Variants in HACD2 observed in about 807,000 individuals in gnomAD.
HACD2 encodes the protein 3-hydroxyacyl-CoA dehydratase 2.
A neutral mutation model predicts 31.0 loss-of-function variants in HACD2; 15 were observed. The ratio of observed to expected loss-of-function variants is 0.48; its 90% CI spans 0.32 to 0.75. HACD2 has a LOEUF of 0.75. Ranked by LOEUF, HACD2 falls within the 30% of genes least tolerant of loss-of-function variation. The pLI is 0.03. For missense variants in HACD2, 283 were observed against 313.0 expected (o/e 0.90, Z 0.72); for synonymous variants, 115 against 122.2 (o/e 0.94, Z 0.39).
chr3:123,510,662 T>C (rs1292513585), intron 4 of HACD2, among the ~76,000 whole-genome samples: 1 of 152,250 alleles, frequency 6.6e-6, no homozygotes, highest in Non-Finnish European at 1.5e-5. Context: ...CATTTTATCA[T>C]TTGTTGATGG....
intron 3 of HACD2, among the ~76,000 whole-genome samples, chr3:123,565,259 AAACT>A (rs2056778084): frequency 6.6e-6 from 1 of 152,234 alleles, no homozygotes; most frequent in African/African-American, 2.4e-5. Flanking sequence ...TATTAAAATA[AAACT>A]AACATTAACT....
At chr3:123,537,674 C>T (rs934874694) in intron 3 of HACD2, among the ~76,000 whole-genome samples, 1 of 151,228 alleles carries the variant, frequency 6.6e-6, no homozygotes, top group Non-Finnish European at 1.5e-5. Context: ...ATGTCTTTTT[C>T]ATGATAGTAT....
At chr3:123,515,747 G>A (rs2056126481) in intron 4 of HACD2, among the ~76,000 whole-genome samples, 1 of 152,016 alleles carries the variant, frequency 6.6e-6, no homozygotes. Context: ...ATTTGGATGA[G>A]TATGTTGGGG....
chr3:123,574,154 G>C (rs2056884253), intron 2 of HACD2, among the ~76,000 whole-genome samples: 1 of 152,160 alleles, frequency 6.6e-6, no homozygotes, highest in South Asian at 2.1e-4. Flanking sequence ...TTGTTTCTCT[G>C]TTCAGATAAT....
intron 3 of HACD2, among the ~76,000 whole-genome samples, chr3:123,549,835 T>C (rs1171767321): frequency 6.6e-6 from 1 of 152,088 alleles, no homozygotes; most frequent in Non-Finnish European, 1.5e-5. Context: ...TCCTGATCAT[T>C]CAGATATCTT....
At chr3:123,535,620 A>C (rs1473751049) in intron 3 of HACD2, among the ~76,000 whole-genome samples, 3 of 152,228 alleles carry the variant, frequency 2.0e-5, no homozygotes, top group Non-Finnish European at 2.9e-5. Context: ...TTGGAGAGAA[A>C]TACAAATTTC....
rs1403144182 is a variant in HACD2, at chr3:123,494,659, G to A, written c.*229C>T. ...CCATCATAAATATTAAGAACTTCTGGTTGAAAGAGCATGCTGAAATGAACT... is the reference window on the plus strand; with the variant it reads ...CCATCATAAATATTAAGAACTTCTGATTGAAAGAGCATGCTGAAATGAACT... On this transcript the variant is annotated 3_prime_UTR_variant, in exon 7 of 7. Coordinates refer to ENST00000383657, the MANE Select transcript of HACD2 (RefSeq NM_198402.5). 9.2e-6 allele frequency: 5 copies of A among 540,956 alleles called. No homozygotes were observed. In the African/African-American group the frequency reaches 9.7e-5, roughly 10 times the overall value. The allele number at this position is 540,956 out of a possible 1,614,324, so 33.5% of individuals were successfully genotyped here.
intron 2 of HACD2, among the ~76,000 whole-genome samples, chr3:123,579,052 C>T (rs1186613592): frequency 6.6e-6 from 1 of 152,194 alleles, no homozygotes; most frequent in Non-Finnish European, 1.5e-5. Flanking sequence ...TATGCACAGA[C>T]ATTTTCCCAA....
intron 2 of HACD2, among the ~76,000 whole-genome samples, chr3:123,581,825 C>A (rs960272897): frequency 6.6e-6 from 1 of 152,174 alleles, no homozygotes; most frequent in African/African-American, 2.4e-5. Context: ...TAGACAGGCT[C>A]TCTATTATGT....
chr3:123,509,295 A>G (rs904854965), intron 4 of HACD2, among the ~76,000 whole-genome samples: 7 of 152,020 alleles, frequency 4.6e-5, no homozygotes, highest in African/African-American at 1.7e-4. Flanking sequence ...CTGAGCCCGG[A>G]AAGTTAAGGC....
chr3:123,516,025 G>A (rs1400956004), intron 4 of HACD2, among the ~76,000 whole-genome samples: 1 of 152,240 alleles, frequency 6.6e-6, no homozygotes, highest in East Asian at 1.9e-4. Context: ...TTCCCAGAGT[G>A]CTGGGATTAC....
chr3:123,577,961 CCCA>C (rs2107759716), intron 2 of HACD2, among the ~76,000 whole-genome samples: 1 of 152,236 alleles, frequency 6.6e-6, no homozygotes. Context: ...GAGTTGTGCA[CCCA>C]CCACCACTAT....
Position 123,502,607 on chromosome 3 carries a change from A to G in HACD2, c.456T>C (p.Tyr152=). ...GCAGATGGTTTAATAGACTGAATGT[A>G]TAAAAGGAGTAACGGATGATTTCCG... The part of the protein sequence containing the change: ...TITEIIRYSF[Y]TFSLLNHLPY... The change falls in exon 5 of 7, where the codon TAT becomes TAC. Residue 152 remains tyrosine (Y), a synonymous_variant. Transcript: ENST00000383657. 1.9e-6 allele frequency: 3 copies of G among 1,610,738 alleles called. No individual in the cohort carries two copies. Among genetic ancestry groups the G allele is most frequent in the Non-Finnish European group, 2.5e-6 (3 of 1,178,446 alleles).
intron 4 of HACD2, among the ~76,000 whole-genome samples, chr3:123,518,530 A>G (rs976666262): frequency 1.3e-5 from 2 of 152,130 alleles, no homozygotes; most frequent in African/African-American, 4.8e-5. Context: ...TAGTTATTTA[A>G]AAGTGTTATT....
At chr3:123,547,117 T>C (rs2056568637) in intron 3 of HACD2, among the ~76,000 whole-genome samples, 2 of 152,216 alleles carry the variant, frequency 1.3e-5, no homozygotes, top group Non-Finnish European at 1.5e-5. Context: ...ATCTACCAGA[T>C]ATAAATGAAG....
intron 3 of HACD2, among the ~76,000 whole-genome samples, chr3:123,545,508 A>C (rs2056548901): frequency 6.9e-6 from 1 of 145,264 alleles, no homozygotes; most frequent in Non-Finnish European, 1.5e-5. Context: ...TAAATAAATA[A>C]ATAAATAAAT....
Position 123,584,996 on chromosome 3 carries a change from T to C in HACD2, c.32A>G (p.Lys11Arg), listed in dbSNP as rs1405418647. Residue 11 changes from lysine to arginine, a missense_variant, in exon 1 of 7, where the codon AAG becomes AGG. This residue lies in a region of HACD2 where 158 missense variants were observed against 148.3 expected (regional missense o/e 1.07). Coordinates refer to ENST00000383657, the MANE Select transcript of HACD2 (RefSeq NM_198402.5). MAAVAATAAAKGNGGGGGRAG... is the reference protein window; with the variant it reads MAAVAATAAARGNGGGGGRAG... Reference sequence around the variant, plus strand: ...CCTGCCACCGCCGCCCCCATTCCCCTTCGCTGCTGCAGTCGCCGCCACTGC... The same window carrying C: ...CCTGCCACCGCCGCCCCCATTCCCCCTCGCTGCTGCAGTCGCCGCCACTGC... The C allele has an allele frequency of 7.0e-7, 1 of 1,431,042 alleles. No homozygotes were observed. Among genetic ancestry groups the C allele is most frequent in the Non-Finnish European group, 9.3e-7 (1 of 1,072,588 alleles). The allele number at this position is 1,431,042 out of a possible 1,614,324, so 88.6% of individuals were successfully genotyped here. A position where few individuals can be genotyped will look rare whatever the true frequency, so the allele number is the denominator to read the frequency against.
intron 2 of HACD2, among the ~76,000 whole-genome samples, chr3:123,573,613 C>G (rs2107754952): frequency 6.6e-6 from 1 of 152,262 alleles, no homozygotes; most frequent in Middle Eastern, 3.4e-3. Flanking sequence ...TTGACTCGCA[C>G]ACTAAAGCAT....
intron 2 of HACD2, among the ~76,000 whole-genome samples, chr3:123,573,126 T>C (rs1242435239): frequency 2.6e-5 from 4 of 152,214 alleles, no homozygotes; most frequent in Non-Finnish European, 5.9e-5. Flanking sequence ...GAGTTACATC[T>C]ACCAATATTT....
Sources: gnomAD v4.1 joint callset for allele counts (sites outside exome capture counted in the v4.1 genomes callset) on GRCh38, gnomAD v4.1.1 for gene constraint, gnomAD v4.1.1 regional missense constraint, MANE v1.5 for transcripts, NCBI Gene and HGNC (gene_info 2026-07-23, HGNC 2026-07-21) for gene names.